WDR24: variants seen among roughly 807,000 people sequenced by gnomAD.
The protein encoded by WDR24 is WD repeat domain 24, also known as GATOR2 complex protein WDR24.
A neutral mutation model predicts 66.7 loss-of-function variants in WDR24; 32 were observed. The ratio of observed to expected loss-of-function variants is 0.48; its 90% CI spans 0.36 to 0.64. The LOEUF is 0.64. WDR24 is among the 30% of genes least tolerant of loss of function. The probability of loss-of-function intolerance (pLI) is 0.00; values close to 1 mark genes in which losing one functional copy is unlikely to be tolerated. For missense variants in WDR24, 978 were observed against 1,144.1 expected (o/e 0.85, Z 2.09); for synonymous variants, 565 against 469.1 (o/e 1.20, Z -2.64).
At chr16:686,311 C>T in intron 3 of WDR24, 125 bp from the exon 4 acceptor site, 1 of 1,088,006 alleles carries the variant, frequency 9.2e-7, no homozygotes, top group Non-Finnish European at 1.3e-6. Context: ...TGTCCAGGCC[C>T]ACCCCAGGTA....
Position 686,795 on chromosome 16 carries a change from G to C in WDR24, c.1281C>G (p.Ala427=). 1 of 1,611,010 alleles carries C rather than the reference G, an allele frequency of 6.2e-7. No individual in the cohort carries two copies. The highest frequency in any genetic ancestry group is 8.5e-7 in the Non-Finnish European group (1 of 1,178,570). The part of the protein sequence containing the change: ...ERYALAGRPL[A]ELCDHNAKVA... ...CCTTTGCGTTGTGGTCACAGAGCTC[G>C]GCCAGTGGCCGGCCAGCCAGCGCAT... is the stretch of plus-strand genomic sequence containing the variant. The change falls in exon 3 of 9, where the codon GCC becomes GCG. Residue 427 remains alanine (A), a synonymous_variant. Coordinates refer to ENST00000293883, the MANE Select transcript of WDR24 (RefSeq NM_032259.4).
In WDR24 at chr16:689,585, C is replaced by G; in HGVS notation, c.56G>C (p.Arg19Pro). Reference protein sequence around the residue: ...TALGGSVLTGRTMHCHLDAPA... With the variant: ...TALGGSVLTGPTMHCHLDAPA... ...AGCATCCAGGTGGCAGTGCATGGTG[C>G]GGCCTGTCAGCACGCTGCCACCCAG... The change falls in exon 1 of 9, where the codon CGC becomes CCC. Residue 19 changes from arginine to proline, a missense_variant. Physicochemically the swap from Arg to Pro is moderately radical, Grantham distance 103. Transcript: ENST00000293883. The G allele has an allele frequency of 6.2e-7, 1 of 1,612,882 alleles. No homozygotes were observed. The highest frequency in any genetic ancestry group is 8.5e-7 in the Non-Finnish European group (1 of 1,180,022).
At position 687,100 on chromosome 16, in the gene WDR24, G is replaced by T; in HGVS notation, c.976C>A (p.His326Asn). 6.2e-7 allele frequency: 1 copy of T among 1,610,052 alleles called. No individual in the cohort carries two copies. ...SGSKDSSLCQ[H>N]LFRDASQPVE... is the part of the protein sequence containing the mutation. ...GGCTGGCTGGCGTCGCGGAACAGGTGCTGGCACAGCGAGCTGTCCTTGGAG... is the reference window on the plus strand; with the variant it reads ...GGCTGGCTGGCGTCGCGGAACAGGTTCTGGCACAGCGAGCTGTCCTTGGAG... The change falls in exon 3 of 9, where the codon CAC becomes AAC. Residue 326 changes from histidine (H) to asparagine (N), a missense_variant. Coordinates refer to ENST00000293883, the MANE Select transcript of WDR24 (RefSeq NM_032259.4).
At chr16:686,660 G>A (rs1418835448) in intron 3 of WDR24, 84 bp downstream of exon 3, 5 of 1,470,210 alleles carry the variant, frequency 3.4e-6, no homozygotes, top group East Asian at 2.3e-5. Context: ...CGGAGCTTGA[G>A]GTGGGGTGAG....
intron 7 of WDR24, 36 bp downstream of exon 7, chr16:685,221 C>G: frequency 6.3e-7 from 1 of 1,595,892 alleles, no homozygotes; most frequent in Non-Finnish European, 8.5e-7. Context: ...GTGCCAGGGG[C>G]GGCGCTGCAG....
At chr16:688,589 G>A (rs2039935129) in intron 1 of WDR24, among the ~76,000 whole-genome samples, 2 of 152,230 alleles carry the variant, frequency 1.3e-5, no homozygotes, top group African/African-American at 2.4e-5. Context: ...ACCGCGCCCT[G>A]CCAGGATCTG....
chr16:686,981 C>A lies in WDR24; in HGVS notation c.1095G>T (p.Gly365=), dbSNP rs983964573. ...AKESLVAAES[G]RKPYTGDRRH... is the part of the protein sequence containing the mutation. ...GCCGGTCGCCAGTGTAGGGCTTGCG[C>A]CCCGACTCGGCAGCCACGAGGCTCT... Residue 365 remains glycine, a synonymous_variant, in exon 3 of 9, where the codon GGG becomes GGT. Coordinates refer to ENST00000293883, the MANE Select transcript of WDR24 (RefSeq NM_032259.4). 1 of 1,599,596 alleles carries A rather than the reference C, an allele frequency of 6.3e-7. No individual in the cohort carries two copies. The highest frequency in any genetic ancestry group is 8.5e-7 in the Non-Finnish European group (1 of 1,176,958).
rs2039898182 is a variant in WDR24 at position 685,942 on chromosome 16, C to T, written c.1500G>A (p.Leu500=). The T allele has an allele frequency of 1.9e-6, 3 of 1,613,170 alleles. No individual in the cohort carries two copies. The highest frequency in any genetic ancestry group is 1.7e-6 in the Non-Finnish European group (2 of 1,179,992). ...TCCGTGCATCTCCTTTGCTGCGGTC[C>T]AGCCGCGTCTCACTGCCCAACCCTG... ...MAPGLGSETR[L]DRSKGDARSD... The change falls in exon 5 of 9, where the codon CTG becomes CTA. Residue 500 remains leucine (L), a synonymous_variant. Transcript: ENST00000293883.
Position 686,208 on chromosome 16 carries a change from TTG to T in WDR24, c.1333-24_1333-23del. On this transcript the variant is annotated intron_variant, in intron 3 of 8. Transcript: ENST00000293883. ...CCACCTAGGGGCGGGCACTGGTCACTTGTGGGCGTCCTGGACACCCAGCACCC... is the reference window on the plus strand; with the variant it reads ...CCACCTAGGGGCGGGCACTGGTCACTTGGGCGTCCTGGACACCCAGCACCC... The T allele has an allele frequency of 1.9e-6, 3 of 1,610,170 alleles. No individual in the cohort carries two copies. In the South Asian group the frequency reaches 3.3e-5, roughly 18 times the overall value.
At chr16:686,714 C>G (rs1402638901) in intron 3 of WDR24, 30 bp downstream of exon 3, 7 of 1,558,520 alleles carry the variant, frequency 4.5e-6, no homozygotes, top group Non-Finnish European at 8.7e-7. Context: ...GGTCGTGGCC[C>G]AGGGACCCCC....
Position 685,369 on chromosome 16 carries a change from A to T in WDR24, c.1907T>A (p.Leu636Gln). ...GTAGAAGTGCAGCATGTCGCGCACC[A>T]GCACGCCGAAGAAGTCGGGCGGCAG... is the stretch of plus-strand genomic sequence containing the variant. ...SRLPPDFFGVLVRDMLHFYAE... is the reference protein window; with the variant it reads ...SRLPPDFFGVQVRDMLHFYAE... Residue 636 changes from leucine (L) to glutamine (Q), a missense_variant, in exon 7 of 9, where the codon CTG becomes CAG. Coordinates refer to ENST00000293883, the MANE Select transcript of WDR24 (RefSeq NM_032259.4). 1 of 1,612,112 alleles carries T rather than the reference A, an allele frequency of 6.2e-7. No individual in the cohort carries two copies. Among genetic ancestry groups the T allele is most frequent in the Non-Finnish European group, 8.5e-7 (1 of 1,179,868 alleles).
rs558325931 is a variant in WDR24, at chr16:689,745, C to G, written c.-105G>C. On this transcript the variant is annotated 5_prime_UTR_variant, in exon 1 of 9. Coordinates refer to ENST00000293883, the MANE Select transcript of WDR24 (RefSeq NM_032259.4). ...CAGACCTTCCACCCAGGTTGGGACC[C>G]CAGAACTGCTTGGTCCCGGGCTGGT... 1 of 1,497,750 alleles carries G rather than the reference C, an allele frequency of 6.7e-7. No individual in the cohort carries two copies. The highest frequency in any genetic ancestry group is 8.9e-7 in the Non-Finnish European group (1 of 1,120,276). 92.8% of individuals were successfully genotyped at this position (1,497,750 alleles called of 1,614,324 possible). A position where few individuals can be genotyped will look rare whatever the true frequency, so the allele number is the denominator to read the frequency against.
chr16:684,960 C>G, intron 8 of WDR24, 32 bp downstream of exon 8: 1 of 1,537,602 alleles, frequency 6.5e-7, no homozygotes, highest in South Asian at 1.2e-5. Flanking sequence ...GCCTGCAGGC[C>G]CCTGCCCCAC....
chr16:687,333 A>ACACAGTG lies in WDR24; in HGVS notation c.736_742dup (p.Val248AlafsTer49). The stretch of plus-strand genomic sequence containing the variant: ...ACGGGCCACCGAGGCGATGGTCTGC[A>ACACAGTG]CACAGTGCATCTCCTTGGCACGGTG... On this transcript the variant is annotated frameshift_variant, in exon 3 of 9. Coordinates refer to ENST00000293883, the MANE Select transcript of WDR24 (RefSeq NM_032259.4). LOFTEE classifies it high-confidence loss of function. 1 of 1,610,012 alleles carries ACACAGTG rather than the reference A, an allele frequency of 6.2e-7. No individual in the cohort carries two copies. Among genetic ancestry groups the ACACAGTG allele is most frequent in the Non-Finnish European group, 8.5e-7 (1 of 1,178,968 alleles).
chr16:689,176 A>G lies in WDR24; in HGVS notation c.465T>C (p.Ser155=), dbSNP rs529188085. 1.2e-6 allele frequency: 2 copies of G among 1,613,578 alleles called. No individual in the cohort carries two copies. The highest frequency in any genetic ancestry group is 2.7e-5 in the African/African-American group (2 of 75,070). ...MKCFDLRRKD[S]VSTFSGQSES... ...TGGCCTCACCCGAGAAGGTGCTGACAGAGTCCTTTCTGCGGAGGTCAAAGC... is the reference window on the plus strand; with the variant it reads ...TGGCCTCACCCGAGAAGGTGCTGACGGAGTCCTTTCTGCGGAGGTCAAAGC... The change falls in exon 1 of 9, where the codon TCT becomes TCC. Residue 155 remains serine (S), a synonymous_variant. Transcript: ENST00000293883.
Position 689,288 on chromosome 16 carries a change from T to C in WDR24, c.353A>G (p.Glu118Gly). ...SRNKQDQLFT[E>G]HKRTVNKVCF... ...GACTTTGTTTACCGTGCGCTTGTGT[T>C]CTGTGAACAGCTGGTCCTGCTTGTT... The change falls in exon 1 of 9, where the codon GAA becomes GGA. Residue 118 changes from glutamate (E) to glycine (G), a missense_variant. This residue lies in a region of WDR24 where 302 missense variants were observed against 526.6 expected (regional missense o/e 0.57). Transcript: ENST00000293883. 6.2e-7 allele frequency: 1 copy of C among 1,613,964 alleles called. No homozygotes were observed. Among genetic ancestry groups the C allele is most frequent in the Non-Finnish European group, 8.5e-7 (1 of 1,180,022 alleles).
rs1203807330 is a variant in WDR24 at position 689,328 on chromosome 16, C to G, written c.313G>C (p.Gly105Arg). The change falls in exon 1 of 9, where the codon GGC becomes CGC. Residue 105 changes from glycine to arginine, a missense_variant. Gly to Arg is a moderately radical substitution (Grantham distance 125). Around this residue, in one of 2 missense-constraint regions of WDR24, gnomAD observed 302 missense variants for 526.6 expected, o/e 0.57. Coordinates refer to ENST00000293883, the MANE Select transcript of WDR24 (RefSeq NM_032259.4). Reference protein sequence around the residue: ...TNGVVVTWNLGRPSRNKQDQL... With the variant: ...TNGVVVTWNLRRPSRNKQDQL... The stretch of plus-strand genomic sequence containing the variant: ...TCCTGCTTGTTGCGGGATGGCCGGC[C>G]CAGGTTCCACGTGACCACCACGCCA... 1 of 1,613,772 alleles carries G rather than the reference C, an allele frequency of 6.2e-7. No individual in the cohort carries two copies. Among genetic ancestry groups the G allele is most frequent in the South Asian group, 1.1e-5 (1 of 91,082 alleles).
At position 684,719 on chromosome 16, in the gene WDR24, C is replaced by G. The variant is rs1427401881; in HGVS notation, c.*15G>C. On this transcript the variant is annotated 3_prime_UTR_variant, in exon 9 of 9. Coordinates refer to ENST00000293883, the MANE Select transcript of WDR24 (RefSeq NM_032259.4). ...TCTGCACGCGGCCGCCCGGGCAAGC[C>G]CAGCAGATGCCCCGTCAGGAGTACT... The G allele has an allele frequency of 6.3e-7, 1 of 1,579,218 alleles. No homozygotes were observed. Among genetic ancestry groups the G allele is most frequent in the Admixed American group, 1.7e-5 (1 of 57,302 alleles).
rs1287563327 is a variant in WDR24 at position 684,812 on chromosome 16, G to A, written c.2295C>T (p.His765=). ...VWCQGCSHGG[H]LQHIMKWLEG... ...CCAGCCACTTCATGATGTGCTGCAG[G>A]TGGCCGCCGTGGCTGCAGCCCTGGC... Residue 765 remains histidine (H), a synonymous_variant, in exon 9 of 9, where the codon CAC becomes CAT. Coordinates refer to ENST00000293883, the MANE Select transcript of WDR24 (RefSeq NM_032259.4). The A allele has an allele frequency of 2.5e-6, 4 of 1,575,250 alleles. No homozygotes were observed. The highest frequency in any genetic ancestry group is 2.4e-5 in the East Asian group (1 of 42,114).
Sources: allele counts gnomAD v4.1 joint callset (sites outside exome capture counted in the v4.1 genomes callset), GRCh38; gene constraint gnomAD v4.1.1; regional missense constraint gnomAD v4.1.1; transcripts MANE v1.5; gene names NCBI Gene and HGNC (gene_info 2026-07-23, HGNC 2026-07-21).